ZNF385C: variants seen among roughly 807,000 people sequenced by gnomAD.
ZNF385C encodes the protein zinc finger protein 385C.
A neutral mutation model predicts 35.4 loss-of-function variants in ZNF385C; 28 were observed. The ratio of observed to expected loss-of-function variants is 0.79; its 90% CI spans 0.59 to 1.08. The LOEUF (loss-of-function observed/expected upper bound fraction) is 1.08, where lower values mean the gene tolerates loss of function less well. Ranked by LOEUF, ZNF385C falls within the 50% of genes least tolerant of loss-of-function variation. ZNF385C has a pLI of 0.00. For missense variants in ZNF385C, 605 were observed against 595.6 expected (o/e 1.02, Z -0.16); for synonymous variants, 248 against 248.2 (o/e 1.00, Z 0.01).
intron 2 of ZNF385C, among the ~76,000 whole-genome samples, chr17:42,048,242 A>C (rs2053209856): frequency 6.6e-6 from 1 of 152,004 alleles, no homozygotes; most frequent in Non-Finnish European, 1.5e-5. Flanking sequence ...TATCCTTATA[A>C]ATATGCCATT....
chr17:42,077,527 C>A (rs2143916994), intron 1 of ZNF385C, among the ~76,000 whole-genome samples: 1 of 152,238 alleles, frequency 6.6e-6, no homozygotes, highest in South Asian at 2.1e-4. Flanking sequence ...GCTCCTGGGG[C>A]CTTTCCCAAA....
intron 2 of ZNF385C, among the ~76,000 whole-genome samples, chr17:42,044,648 C>T (rs1260504251): frequency 6.6e-6 from 1 of 151,834 alleles, no homozygotes; most frequent in Non-Finnish European, 1.5e-5. Flanking sequence ...AAGAAATCAG[C>T]AGAAAGCTGA....
At chr17:42,032,070 T>C (rs373526748) in intron 4 of ZNF385C, among the ~76,000 whole-genome samples, 1 of 152,314 alleles carries the variant, frequency 6.6e-6, no homozygotes, top group African/African-American at 2.4e-5. Context: ...TTTTTGTTTT[T>C]TGTTTTTTGA....
intron 8 of ZNF385C, 50 bp downstream of exon 8, chr17:42,027,568 C>T (rs1466582062): frequency 1.1e-6 from 1 of 926,782 alleles, no homozygotes; most frequent in Non-Finnish European, 1.6e-6. Context: ...TCCCAGCCCA[C>T]CCTCTCCCCT....
intron 3 of ZNF385C, among the ~76,000 whole-genome samples, chr17:42,035,877 G>A (rs1285684401): frequency 6.6e-6 from 1 of 152,064 alleles, no homozygotes; most frequent in Non-Finnish European, 1.5e-5. Flanking sequence ...TTGAGAGAGT[G>A]AGAGCCACAG....
chr17:42,075,587 C>T lies in ZNF385C; in HGVS notation c.-2-12529G>A, dbSNP rs868958471. Among the ~76,000 whole-genome samples, 5 of 151,570 alleles carry T rather than the reference C, an allele frequency of 3.3e-5. No individual in the cohort carries two copies. The South Asian group carries it at 6.3e-4, about 19-fold the overall frequency. ...TCGGCTCACTGCAAGCTCCGCCTCC[C>T]GGGTTCACACCATTCTCCTGCCTCA... On this transcript the variant is annotated intron_variant, in intron 1 of 8. Coordinates refer to ENST00000692273, the MANE Select transcript of ZNF385C (RefSeq NM_001392013.1).
chr17:42,060,236 A>G (rs1598196035), intron 2 of ZNF385C, among the ~76,000 whole-genome samples: 2 of 152,204 alleles, frequency 1.3e-5, no homozygotes, highest in South Asian at 4.1e-4. Flanking sequence ...ATTGGCCACC[A>G]AGTCTTGACA....
At chr17:42,091,785 G>C (rs782635148) in intron 1 of ZNF385C, among the ~76,000 whole-genome samples, 13 of 152,220 alleles carry the variant, frequency 8.5e-5, no homozygotes, top group Non-Finnish European at 1.5e-4. Flanking sequence ...CCCTCAGGAA[G>C]CTGCTAACTA....
Position 42,079,219 on chromosome 17 carries a change from CAT to C in ZNF385C, c.-2-16163_-2-16162del, listed in dbSNP as rs201223179. On this transcript the variant is annotated intron_variant, in intron 1 of 8. Transcript: ENST00000692273. ...AAAAAAAAAAATATATATATATATACATATATATATATATACACACATATATG... is the reference window on the plus strand; with the variant it reads ...AAAAAAAAAAATATATATATATATACATATATATATATACACACATATATG... Among the ~76,000 whole-genome samples the C allele has an allele frequency of 2.4e-3, 303 of 125,148 alleles. 2 individuals carry two copies. Among genetic ancestry groups the C allele is most frequent in the African/African-American group, 8.3e-3 (259 of 31,372 alleles). 82.1% of individuals were successfully genotyped at this position (125,148 alleles called of 152,430 possible). A position where few individuals can be genotyped will look rare whatever the true frequency, so the allele number is the denominator to read the frequency against.
chr17:42,055,107 G>GTA (rs1567990882), intron 2 of ZNF385C, among the ~76,000 whole-genome samples: 2 of 151,380 alleles, frequency 1.3e-5, no homozygotes, highest in African/African-American at 4.9e-5. Flanking sequence ...GCTAGCCCCC[G>GTA]ACCCCCTCAG....
chr17:42,028,197 C>A lies in ZNF385C; in HGVS notation c.1017G>T (p.Arg339Ser). 13 of 1,578,124 alleles carry A rather than the reference C, an allele frequency of 8.2e-6. No homozygotes were observed. The highest frequency in any genetic ancestry group is 1.1e-5 in the Non-Finnish European group (13 of 1,164,036). Reference sequence around the variant, plus strand: ...CCCTGGACACCGGGCGGCCCCGGCTCCTCCGGGGAGCCCCTCGCTGACCTT... The same window carrying A: ...CCCTGGACACCGGGCGGCCCCGGCTACTCCGGGGAGCCCCTCGCTGACCTT... The part of the protein sequence containing the change: ...MMEGQRGAPR[R>S]SRGRPVSRGG... Residue 339 changes from arginine (R) to serine (S), a missense_variant, in exon 7 of 9, where the codon AGG becomes AGT. Transcript: ENST00000692273.
In ZNF385C at chr17:42,088,073, G is replaced by A. The variant is rs782531655; in HGVS notation, c.-3+10337C>T. ...TTTTAATCGACACTCTTAGAGGGTC[G>A]TTATGAGGATTACCTGAGTCAATAT... On this transcript the variant is annotated intron_variant, in intron 1 of 8. Transcript: ENST00000692273. 8.5e-5 allele frequency among the ~76,000 whole-genome samples: 13 copies of A among 152,232 alleles called. No individual in the cohort carries two copies. In the South Asian group the frequency reaches 1.7e-3, roughly 19 times the overall value.
At chr17:42,083,864 G>A (rs901501897) in intron 1 of ZNF385C, among the ~76,000 whole-genome samples, 11 of 151,600 alleles carry the variant, frequency 7.3e-5, no homozygotes, top group African/African-American at 1.9e-4. Context: ...GATTACAGGC[G>A]TCCACCAATA....
At chr17:42,035,912 G>T (rs2052846083) in intron 3 of ZNF385C, among the ~76,000 whole-genome samples, 1 of 152,264 alleles carries the variant, frequency 6.6e-6, no homozygotes, top group Middle Eastern at 3.4e-3. Context: ...GGGCCAGTAG[G>T]GGGCAGGGAG....
intron 1 of ZNF385C, among the ~76,000 whole-genome samples, chr17:42,065,621 CA>C (rs1555658402): frequency 6.6e-6 from 1 of 152,156 alleles, no homozygotes; most frequent in East Asian, 1.9e-4. Flanking sequence ...TCTGTCGTGA[CA>C]AGTGTGGGGA....
At chr17:42,080,506 A>G (rs1442325485) in intron 1 of ZNF385C, among the ~76,000 whole-genome samples, 1 of 151,784 alleles carries the variant, frequency 6.6e-6, no homozygotes, top group Non-Finnish European at 1.5e-5. Context: ...ACCCATCCTA[A>G]CCTCACAAGG....
intron 3 of ZNF385C, among the ~76,000 whole-genome samples, chr17:42,036,364 G>A (rs1203344164): frequency 6.6e-6 from 1 of 151,766 alleles, no homozygotes; most frequent in Non-Finnish European, 1.5e-5. Flanking sequence ...CCTTTTCTCA[G>A]GAAGTTGGGC....
intron 3 of ZNF385C, among the ~76,000 whole-genome samples, chr17:42,036,099 A>T (rs1555655415): frequency 6.6e-6 from 1 of 151,880 alleles, no homozygotes; most frequent in East Asian, 1.9e-4. Flanking sequence ...GGCTCAAGCG[A>T]TTCTCCTGCC....
At chr17:42,037,645 C>A in intron 3 of ZNF385C, 92 bp downstream of exon 3, 2 of 1,395,664 alleles carry the variant, frequency 1.4e-6, no homozygotes, top group Non-Finnish European at 1.9e-6. Flanking sequence ...CCTGGTTAGA[C>A]CCAGCTGCTG....
Sources: allele counts gnomAD v4.1 joint callset (sites outside exome capture counted in the v4.1 genomes callset), GRCh38; gene constraint gnomAD v4.1.1; transcripts MANE v1.5; gene names NCBI Gene and HGNC (gene_info 2026-07-23, HGNC 2026-07-21).